The following CYP4X1 variants were observed in gnomAD, a reference collection of about 807,000 sequenced individuals.
CYP4X1 encodes the protein cytochrome P450 4X1.
In CYP4X1, 44 loss-of-function variants were observed where a neutral mutation model predicts 57.9. The observed-to-expected ratio is 0.76, with a 90% CI of 0.60 to 0.98. CYP4X1 has a LOEUF of 0.98. CYP4X1 is among the 50% of genes least tolerant of loss of function. The pLI, the probability that CYP4X1 is intolerant of heterozygous loss-of-function variation, is 0.00. For missense variants in CYP4X1, 532 were observed against 623.9 expected (o/e 0.85, Z 1.57); for synonymous variants, 227 against 228.6 (o/e 0.99, Z 0.06).
the CYP4X1 span, among the ~76,000 whole-genome samples, chr1:47,001,830 A>C: frequency 6.6e-6 from 1 of 151,962 alleles, no homozygotes; most frequent in Admixed American, 6.6e-5. Context: ...TGGCAGCCAA[A>C]CCCTCCATGG....
chr1:46,991,038 TA>T, the CYP4X1 span, among the ~76,000 whole-genome samples: 8,109 of 138,326 alleles, frequency 0.059, 283 homozygotes, highest in Non-Finnish European at 0.082. Flanking sequence ...TCCCAGAACT[TA>T]AAAAAAAAAA....
the CYP4X1 span, among the ~76,000 whole-genome samples, chr1:46,974,926 A>C: frequency 0.28 from 42,951 of 151,912 alleles, 6,383 homozygotes; most frequent in East Asian, 0.5. Flanking sequence ...TAAAATTTTT[A>C]ATATTTATGG....
In CYP4X1 at chr1:47,030,125, A is replaced by G. The variant is rs778196853; in HGVS notation, c.313A>G (p.Arg105Gly). 1.2e-6 allele frequency: 2 copies of G among 1,612,382 alleles called. No homozygotes were observed. Among genetic ancestry groups the G allele is most frequent in the Non-Finnish European group, 1.7e-6 (2 of 1,178,892 alleles). The change falls in exon 2 of 12, where the codon AGA becomes GGA. Residue 105 changes from arginine to glycine, a missense_variant. By Grantham distance (125) the Arg-to-Gly change is moderately radical. Transcript: ENST00000371901. ...AGACTATGCAAAGACACTTCTGAGC[A>G]GAACAGGTAAGAAGAGGGGGAAAGC... ...DPDYAKTLLS[R>G]TDPKSQYLQK... is the part of the protein sequence containing the mutation.
intron 8 of CYP4X1, among the ~76,000 whole-genome samples, chr1:47,045,162 G>T (rs866044087): frequency 1.3e-5 from 2 of 152,054 alleles, no homozygotes; most frequent in Admixed American, 6.6e-5. Context: ...GAGGAAGAAA[G>T]AATTCAAAAT....
chr1:46,984,372 C>A, the CYP4X1 span, among the ~76,000 whole-genome samples: 4 of 74,554 alleles, frequency 5.4e-5, no homozygotes, highest in African/African-American at 2.3e-4. Context: ...CCCTGCTCTG[C>A]CTTTAAAAAA....
chr1:47,054,132 C>T (rs1644377332), downstream of CYP4X1, among the ~76,000 whole-genome samples: 1 of 151,478 alleles, frequency 6.6e-6, no homozygotes, highest in Non-Finnish European at 1.5e-5. Flanking sequence ...CAGCTTTCTA[C>T]ATATGGCTAG....
the CYP4X1 span, among the ~76,000 whole-genome samples, chr1:46,999,841 AC>A: frequency 6.6e-6 from 1 of 151,344 alleles, no homozygotes; most frequent in Admixed American, 6.6e-5. Flanking sequence ...CTCCTTGTCC[AC>A]CATCCCTATC....
the CYP4X1 span, among the ~76,000 whole-genome samples, chr1:46,982,694 C>T: frequency 1.3e-5 from 2 of 152,122 alleles, no homozygotes; most frequent in African/African-American, 2.4e-5. Context: ...GCATAATGGC[C>T]AGTAGGTAGG....
the CYP4X1 span, among the ~76,000 whole-genome samples, chr1:46,993,017 G>C: frequency 6.6e-6 from 1 of 151,882 alleles, no homozygotes; most frequent in Non-Finnish European, 1.5e-5. Context: ...GTGCCATGTT[G>C]GTGTGCTGCA....
downstream of CYP4X1, among the ~76,000 whole-genome samples, chr1:47,052,911 T>C (rs1644368448): frequency 6.6e-6 from 1 of 152,182 alleles, no homozygotes; most frequent in Non-Finnish European, 1.5e-5. Flanking sequence ...GAATTCTCTA[T>C]TTCTTTTTTT....
chr1:47,039,377 A>C lies in CYP4X1; in HGVS notation c.918A>C (p.Val306=), dbSNP rs1346545700. 3 of 1,610,218 alleles carry C rather than the reference A, an allele frequency of 1.9e-6. No homozygotes were observed. The highest frequency in any genetic ancestry group is 2.5e-6 in the Non-Finnish European group (3 of 1,178,556). ...ESGSSFSDID[V]HSEVSTFLLA... Reference sequence around the variant, plus strand: ...GTAGCAGCTTCTCAGATATTGATGTACACTCTGAAGTGAGCACATTCCTGT... The same window carrying C: ...GTAGCAGCTTCTCAGATATTGATGTCCACTCTGAAGTGAGCACATTCCTGT... The change falls in exon 8 of 12, where the codon GTA becomes GTC. Residue 306 remains valine (V), a synonymous_variant. Transcript: ENST00000371901.
chr1:47,002,664 T>C, the CYP4X1 span, among the ~76,000 whole-genome samples: 2 of 152,234 alleles, frequency 1.3e-5, no homozygotes, highest in African/African-American at 4.8e-5. Flanking sequence ...TTGGAGTGTA[T>C]GTGTCCAGCT....
At chr1:47,038,789 C>T in intron 7 of CYP4X1, 23 bp downstream of exon 7, 1 of 1,593,190 alleles carries the variant, frequency 6.3e-7, no homozygotes, top group Non-Finnish European at 8.6e-7. Context: ...AATTTCTAAG[C>T]CTGCTCAAGT....
chr1:47,053,871 C>T (rs1644374826), downstream of CYP4X1, among the ~76,000 whole-genome samples: 1 of 152,072 alleles, frequency 6.6e-6, no homozygotes, highest in Admixed American at 6.6e-5. Context: ...TGTAGGTTGC[C>T]CATTCAGTGT....
chr1:46,966,559 C>G, the CYP4X1 span, among the ~76,000 whole-genome samples: 1 of 152,098 alleles, frequency 6.6e-6, no homozygotes, highest in African/African-American at 2.4e-5. Flanking sequence ...TGGGCCATTG[C>G]CTTCCTCTTT....
the CYP4X1 span, chr1:46,961,505 A>ATGTCAAAGCTG: frequency 4.3e-6 from 5 of 1,161,020 alleles, no homozygotes; most frequent in Admixed American, 1.8e-4. Flanking sequence ...GAGCCCAACT[A>ATGTCAAAGCTG]TGTCAAAGCT....
chr1:47,054,178 T>C (rs1328356788), downstream of CYP4X1, among the ~76,000 whole-genome samples: 954 of 146,884 alleles, frequency 6.5e-3, 11 homozygotes, highest in East Asian at 0.031. Flanking sequence ...AATAGGGAAT[T>C]GTTTCCCCAT....
At chr1:46,968,023 G>T in the CYP4X1 span, 1 of 248,980 alleles carries the variant, frequency 4.0e-6, no homozygotes. Context: ...ACTGTAGGGT[G>T]AGGGTGGGCC....
chr1:46,983,569 G>T, the CYP4X1 span, among the ~76,000 whole-genome samples: 1 of 152,236 alleles, frequency 6.6e-6, no homozygotes, highest in Non-Finnish European at 1.5e-5. Context: ...GGGCAGGGCG[G>T]CTGTGCTGGA....
Sources: gnomAD v4.1 joint callset for allele counts (sites outside exome capture counted in the v4.1 genomes callset) on GRCh38, gnomAD v4.1.1 for gene constraint, MANE v1.5 for transcripts, NCBI Gene and HGNC (gene_info 2026-07-23, HGNC 2026-07-21) for gene names.